EDIL3: variants seen among roughly 807,000 people sequenced by gnomAD.
The protein encoded by EDIL3 is EGF-like repeat and discoidin I-like domain-containing protein 3.
EDIL3 carries 37 observed loss-of-function variants against 67.4 expected under a neutral mutation model. The ratio of observed to expected loss-of-function variants is 0.55; its 90% CI spans 0.42 to 0.72. EDIL3 has a LOEUF of 0.72. EDIL3 is among the 30% of genes least tolerant of loss of function. EDIL3 has a pLI of 0.00. For missense variants in EDIL3, 527 were observed against 586.3 expected (o/e 0.90, Z 1.04); for synonymous variants, 195 against 196.3 (o/e 0.99, Z 0.05).
intron 1 of EDIL3, among the ~76,000 whole-genome samples, chr5:84,333,191 C>G (rs894765997): frequency 6.6e-6 from 1 of 152,060 alleles, no homozygotes; most frequent in Non-Finnish European, 1.5e-5. Flanking sequence ...TAATTACATA[C>G]ATTTATAAAC....
intron 9 of EDIL3, among the ~76,000 whole-genome samples, chr5:84,026,570 G>T (rs1745819858): frequency 6.6e-6 from 1 of 151,752 alleles, no homozygotes. Flanking sequence ...AATTTATTAG[G>T]TCTAACTTTT....
intron 9 of EDIL3, among the ~76,000 whole-genome samples, chr5:84,023,423 A>G (rs1745753478): frequency 6.6e-6 from 1 of 152,038 alleles, no homozygotes; most frequent in African/African-American, 2.4e-5. Context: ...ATTTAACTTT[A>G]TATATTTCGA....
chr5:84,079,604 TCTC>T (rs1292235581), intron 6 of EDIL3, among the ~76,000 whole-genome samples: 3 of 152,072 alleles, frequency 2.0e-5, no homozygotes, highest in South Asian at 2.1e-4. Context: ...TGAAAACAAT[TCTC>T]CTACTAGGGC....
chr5:84,274,602 T>G (rs1271520891), intron 1 of EDIL3, among the ~76,000 whole-genome samples: 1 of 152,232 alleles, frequency 6.6e-6, no homozygotes. Flanking sequence ...ATTGCTAATT[T>G]CATTTTAGTA....
chr5:84,049,971 G>T (rs112179457), intron 9 of EDIL3, among the ~76,000 whole-genome samples: 1 of 151,800 alleles, frequency 6.6e-6, no homozygotes, highest in South Asian at 2.1e-4. Flanking sequence ...AGGCCGAGAC[G>T]GGTGGATCAT....
chr5:84,110,148 G>T (rs184998876), intron 5 of EDIL3, among the ~76,000 whole-genome samples: 4 of 152,202 alleles, frequency 2.6e-5, no homozygotes, highest in African/African-American at 9.6e-5. Flanking sequence ...TGCACTGAAC[G>T]TTGTTATTGG....
chr5:84,292,301 C>A (rs956139850), intron 1 of EDIL3, among the ~76,000 whole-genome samples: 2 of 151,900 alleles, frequency 1.3e-5, no homozygotes, highest in Admixed American at 1.3e-4. Flanking sequence ...TTTTTTAAAT[C>A]ACAAAATTAT....
At chr5:84,184,373 C>T (rs929440162) in intron 3 of EDIL3, among the ~76,000 whole-genome samples, 1 of 152,098 alleles carries the variant, frequency 6.6e-6, no homozygotes, top group African/African-American at 2.4e-5. Context: ...AAAGGAAAGG[C>T]AGAAATATAG....
intron 9 of EDIL3, among the ~76,000 whole-genome samples, chr5:83,975,951 T>G (rs1254022771): frequency 1.3e-5 from 2 of 151,902 alleles, no homozygotes; most frequent in African/African-American, 4.8e-5. Context: ...CCTTTCCAAT[T>G]ATGAATAAAT....
chr5:83,960,020 AT>A (rs1744579997), intron 10 of EDIL3, among the ~76,000 whole-genome samples: 1 of 150,926 alleles, frequency 6.6e-6, no homozygotes, highest in Non-Finnish European at 1.5e-5. Flanking sequence ...CCCATAAAAG[AT>A]TTCCTTATGA....
At chr5:84,371,341 A>ATATATATATGTG (rs1008172581) in intron 1 of EDIL3, among the ~76,000 whole-genome samples, 35 of 129,700 alleles carry the variant, frequency 2.7e-4, no homozygotes, top group African/African-American at 6.6e-4. Flanking sequence ...ATATATATAT[A>ATATATATATGTG]TGTGTGTGTG....
At chr5:84,234,080 AG>A (rs1744634819) in intron 2 of EDIL3, among the ~76,000 whole-genome samples, 1 of 152,152 alleles carries the variant, frequency 6.6e-6, no homozygotes, top group African/African-American at 2.4e-5. Flanking sequence ...AATCCTAATC[AG>A]TTTTGTTGTT....
chr5:84,087,179 T>C (rs1274890288), intron 6 of EDIL3, among the ~76,000 whole-genome samples: 1 of 152,226 alleles, frequency 6.6e-6, no homozygotes, highest in Admixed American at 6.5e-5. Flanking sequence ...TTAATAAATA[T>C]TTGTTGAATT....
intron 6 of EDIL3, among the ~76,000 whole-genome samples, chr5:84,096,347 A>G (rs1244996410): frequency 6.6e-6 from 1 of 152,168 alleles, no homozygotes; most frequent in African/African-American, 2.4e-5. Flanking sequence ...GCCACAGAGG[A>G]GAAGATGCCC....
chr5:84,376,743 A>G (rs1747975897), intron 1 of EDIL3, among the ~76,000 whole-genome samples: 1 of 152,224 alleles, frequency 6.6e-6, no homozygotes, highest in South Asian at 2.1e-4. Flanking sequence ...GTGGGTAGCT[A>G]CATTCAATTC....
chr5:84,178,918 G>C (rs1222190178), intron 4 of EDIL3, among the ~76,000 whole-genome samples: 1 of 152,138 alleles, frequency 6.6e-6, no homozygotes, highest in East Asian at 1.9e-4. Context: ...GCTTTGAAAT[G>C]TCTTGAAATT....
At chr5:83,999,379 G>A (rs1465144571) in intron 9 of EDIL3, among the ~76,000 whole-genome samples, 1 of 151,950 alleles carries the variant, frequency 6.6e-6, no homozygotes, top group African/African-American at 2.4e-5. Flanking sequence ...GCTATTTTGG[G>A]GAAGCTCAAT....
intron 9 of EDIL3, among the ~76,000 whole-genome samples, chr5:84,016,866 A>G (rs550827186): frequency 2.0e-5 from 3 of 152,302 alleles, no homozygotes; most frequent in East Asian, 3.9e-4. Context: ...TCTTTGTATA[A>G]AGAGACACAA....
chr5:84,195,025 T>C (rs9293368), intron 3 of EDIL3, among the ~76,000 whole-genome samples: 64 of 152,044 alleles, frequency 4.2e-4, no homozygotes, highest in African/African-American at 1.5e-3. Context: ...TAATCCAGGT[T>C]TGACTACACT....
Sources: allele counts gnomAD v4.1 joint callset (sites outside exome capture counted in the v4.1 genomes callset), GRCh38; gene constraint gnomAD v4.1.1; transcripts MANE v1.5; gene names NCBI Gene and HGNC (gene_info 2026-07-23, HGNC 2026-07-21).